The following ZNF831 variants were observed in gnomAD, a reference collection of about 807,000 sequenced individuals.
ZNF831 encodes chromosome 20 open reading frame 174.
In ZNF831, 59 loss-of-function variants were observed where a neutral mutation model predicts 95.8. That is an observed-to-expected ratio of 0.62 (90% CI 0.50 to 0.77). ZNF831 has a LOEUF of 0.77. Ranked by LOEUF, ZNF831 falls within the 30% of genes least tolerant of loss-of-function variation. The probability of loss-of-function intolerance (pLI) is 0.00; values close to 1 mark genes in which losing one functional copy is unlikely to be tolerated. For missense variants in ZNF831, 2,205 were observed against 2,164.0 expected (o/e 1.02, Z -0.38); for synonymous variants, 961 against 925.5 (o/e 1.04, Z -0.70).
At chr20:59,181,475 A>G (rs1982612167) in intron 1 of ZNF831, among the ~76,000 whole-genome samples, 1 of 152,150 alleles carries the variant, frequency 6.6e-6, no homozygotes, top group African/African-American at 2.4e-5. Flanking sequence ...GGTATTGCCT[A>G]GGTTTTCTTC....
chr20:59,167,758 C>A (rs996758593), intron 1 of ZNF831, among the ~76,000 whole-genome samples: 1 of 151,600 alleles, frequency 6.6e-6, no homozygotes, highest in Non-Finnish European at 1.5e-5. Flanking sequence ...CAACCTTTGT[C>A]AAAAAATCAG....
intron 3 of ZNF831, among the ~76,000 whole-genome samples, chr20:59,197,186 C>T (rs116709203): frequency 2.6e-5 from 4 of 152,158 alleles, no homozygotes; most frequent in African/African-American, 9.7e-5. Flanking sequence ...ATGGCCTCTT[C>T]TCTTTTGGTT....
intron 1 of ZNF831, among the ~76,000 whole-genome samples, chr20:59,142,068 C>T (rs189921445): frequency 2.4e-4 from 37 of 152,262 alleles, no homozygotes; most frequent in Middle Eastern, 3.4e-3. Context: ...GGATGGCTTG[C>T]GGCTAATGTA....
chr20:59,206,604 C>A (rs2146636417), intron 3 of ZNF831, among the ~76,000 whole-genome samples: 1 of 152,324 alleles, frequency 6.6e-6, no homozygotes, highest in Middle Eastern at 3.4e-3. Flanking sequence ...GTAGTCAAGA[C>A]CACGTAGCTT....
chr20:59,123,866 G>C (rs1979080282), intron 1 of ZNF831, among the ~76,000 whole-genome samples: 1 of 152,172 alleles, frequency 6.6e-6, no homozygotes, highest in Non-Finnish European at 1.5e-5. Context: ...CTCCAATCAG[G>C]CATCTCATCC....
intron 1 of ZNF831, among the ~76,000 whole-genome samples, chr20:59,173,830 T>C (rs1981935903): frequency 6.6e-6 from 1 of 152,064 alleles, no homozygotes; most frequent in African/African-American, 2.4e-5. Context: ...AAACTTGGCG[T>C]AGGAATGATT....
Position 59,168,455 on chromosome 20 carries a change from GTTTT to G in ZNF831, c.-37+4264_-37+4267del, listed in dbSNP as rs71183161. On this transcript the variant is annotated intron_variant, in intron 1 of 5. Coordinates refer to ENST00000371030, the MANE Select transcript of ZNF831 (RefSeq NM_178457.3). ...TGCACTCACTTATTAGTGCGAGGAG[GTTTT>G]TTTTTTTTTTTTTTTGTAGATTCTT... Among the ~76,000 whole-genome samples the G allele has an allele frequency of 9.7e-4, 110 of 113,842 alleles. 1 individual carries two copies. The highest frequency in any genetic ancestry group is 3.5e-3 in the African/African-American group (104 of 29,528). The allele number at this position is 113,842 out of a possible 152,430, so 74.7% of individuals were successfully genotyped here.
At chr20:59,140,499 A>T (rs910397199) in intron 1 of ZNF831, among the ~76,000 whole-genome samples, 3 of 143,744 alleles carry the variant, frequency 2.1e-5, no homozygotes, top group Admixed American at 1.4e-4. Context: ...TACTATTAAT[A>T]TTCTTCATTT....
chr20:59,163,713 C>A (rs1054404076), upstream of ZNF831, among the ~76,000 whole-genome samples: 2 of 135,796 alleles, frequency 1.5e-5, no homozygotes, highest in African/African-American at 5.4e-5. Flanking sequence ...AGCGGTGGCT[C>A]TTTTTTTTTT....
chr20:59,190,306 T>C (rs1478959985), intron 1 of ZNF831, among the ~76,000 whole-genome samples: 1 of 152,248 alleles, frequency 6.6e-6, no homozygotes, highest in Non-Finnish European at 1.5e-5. Flanking sequence ...ATTTGGGACA[T>C]ACTTATACCA....
intron 4 of ZNF831, among the ~76,000 whole-genome samples, chr20:59,214,507 CTCAG>C (rs1985551199): frequency 6.6e-6 from 1 of 152,228 alleles, no homozygotes; most frequent in Admixed American, 6.5e-5. Context: ...GCTGGTGCCA[CTCAG>C]TCAAAGACCG....
intron 4 of ZNF831, among the ~76,000 whole-genome samples, chr20:59,224,255 G>C (rs1020886351): frequency 6.6e-6 from 1 of 152,138 alleles, no homozygotes; most frequent in Non-Finnish European, 1.5e-5. Flanking sequence ...ACCAGCCCAG[G>C]TACCTCGCCG....
At position 59,192,778 on chromosome 20, in the gene ZNF831, G is replaced by T. The variant is rs761139557; in HGVS notation, c.1759G>T (p.Ala587Ser). ...CCTGGTGCCCGCAGAGGACACAGAC[G>T]CAAAGAGAACTGCTGCGCGGGAGGC... is the stretch of plus-strand genomic sequence containing the variant. Reference protein sequence around the residue: ...DALVPAEDTDAKRTAAREAMA... With the variant: ...DALVPAEDTDSKRTAAREAMA... The change falls in exon 2 of 6, where the codon GCA (alanine) becomes TCA (serine). Residue 587 changes from alanine (A) to serine (S), a missense_variant. Ala to Ser is a moderately conservative substitution (Grantham distance 99). Transcript: ENST00000371030. This position sits in a 1 kb window ranked among gnomAD's most constrained non-coding sequence, Gnocchi z 5.2. 2.5e-6 allele frequency: 4 copies of T among 1,612,534 alleles called. No homozygotes were observed. The highest frequency in any genetic ancestry group is 3.4e-6 in the Non-Finnish European group (4 of 1,179,792).
chr20:59,177,015 G>GCA (rs10627370), intron 1 of ZNF831, among the ~76,000 whole-genome samples: 105,925 of 152,024 alleles, frequency 0.7, 37,767 homozygotes, highest in African/African-American at 0.85. Flanking sequence ...TCTGCCCTTG[G>GCA]CACACAACAG....
intron 1 of ZNF831, among the ~76,000 whole-genome samples, chr20:59,189,207 T>A (rs955153455): frequency 2.0e-5 from 3 of 151,898 alleles, no homozygotes; most frequent in African/African-American, 4.8e-5. Flanking sequence ...AATAAAAAAA[T>A]AAAAAAATCC....
At chr20:59,197,632 C>A (rs1029259982) in intron 3 of ZNF831, among the ~76,000 whole-genome samples, 1 of 152,150 alleles carries the variant, frequency 6.6e-6, no homozygotes, top group Non-Finnish European at 1.5e-5. Context: ...TCCTTTCCAG[C>A]GTCCCTCCTT....
rs1272539808 is a variant in ZNF831, at chr20:59,191,731, C to T, written c.712C>T (p.His238Tyr). 6.3e-7 allele frequency: 1 copy of T among 1,587,128 alleles called. No homozygotes were observed. The highest frequency in any genetic ancestry group is 2.2e-5 in the East Asian group (1 of 44,586). ...GRGESRCQGM[H>Y]EGASERPLSP... is the part of the protein sequence containing the mutation. Reference sequence around the variant, plus strand: ...GGGCGAGAGCAGGTGCCAGGGGATGCACGAAGGCGCCTCGGAGAGACCCCT... The same window carrying T: ...GGGCGAGAGCAGGTGCCAGGGGATGTACGAAGGCGCCTCGGAGAGACCCCT... The change falls in exon 2 of 6, where the codon CAC becomes TAC. Residue 238 changes from histidine to tyrosine, a missense_variant. Transcript: ENST00000371030.
At chr20:59,253,403 G>C (rs1187602935) in intron 5 of ZNF831, among the ~76,000 whole-genome samples, 1 of 152,080 alleles carries the variant, frequency 6.6e-6, no homozygotes, top group Non-Finnish European at 1.5e-5. Flanking sequence ...CACCTGAATA[G>C]AGAGATGGCT....
At chr20:59,147,183 C>G (rs760592049) in intron 2 of ZNF831, among the ~76,000 whole-genome samples, 40 of 152,306 alleles carry the variant, frequency 2.6e-4, no homozygotes, top group Non-Finnish European at 4.3e-4. Context: ...GAGAAGCAGA[C>G]AAAAAGCTCC....
Sources: gnomAD v4.1 joint callset for allele counts (sites outside exome capture counted in the v4.1 genomes callset) on GRCh38, gnomAD v4.1.1 for gene constraint, Gnocchi (gnomAD v3.1) non-coding constraint, MANE v1.5 for transcripts, NCBI Gene and HGNC (gene_info 2026-07-23, HGNC 2026-07-21) for gene names.